The following TTC28 variants were observed in gnomAD, a reference collection of about 807,000 sequenced individuals.
The protein encoded by TTC28 is tetratricopeptide repeat domain 28, also known as tetratricopeptide repeat protein 28.
In TTC28, 61 loss-of-function variants were observed where a neutral mutation model predicts 198.0. The ratio of observed to expected loss-of-function variants is 0.31; its 90% CI spans 0.25 to 0.38. The LOEUF (loss-of-function observed/expected upper bound fraction) is 0.38. Among genes scored for constraint, TTC28 ranks in the 10% least tolerant of loss-of-function variants. The pLI, the probability that TTC28 is intolerant of heterozygous loss-of-function variation, is 1.00. For missense variants in TTC28, 2,678 were observed against 3,164.0 expected, an observed-to-expected ratio of 0.85 and a Z score of 3.69; for synonymous variants, 1,171 against 1,297.8, an observed-to-expected ratio of 0.90 and a Z score of 2.10.
intron 5 of TTC28, among the ~76,000 whole-genome samples, chr22:28,210,302 T>C (rs939268826): frequency 3.9e-5 from 6 of 152,090 alleles, no homozygotes; most frequent in Admixed American, 6.5e-5. Flanking sequence ...CTTTGACAAA[T>C]AGACAGAAGT....
chr22:27,984,459 G>A (rs1937140933), intron 22 of TTC28, among the ~76,000 whole-genome samples: 1 of 151,834 alleles, frequency 6.6e-6, no homozygotes, highest in African/African-American at 2.4e-5. Flanking sequence ...TCCTCCACAG[G>A]CCCCTCCTCA....
chr22:28,169,553 A>G (rs1401965824), intron 5 of TTC28, among the ~76,000 whole-genome samples: 2 of 152,208 alleles, frequency 1.3e-5, no homozygotes, highest in East Asian at 3.9e-4. Context: ...CAGCATTCTC[A>G]GCAAACTATC....
chr22:28,652,435 G>A (rs1362561684), intron 1 of TTC28, among the ~76,000 whole-genome samples: 1 of 152,138 alleles, frequency 6.6e-6, no homozygotes, highest in Admixed American at 6.5e-5. Context: ...AGCAACTACT[G>A]TACTGTTTTT....
At chr22:28,528,142 C>A (rs1428605368) in intron 2 of TTC28, among the ~76,000 whole-genome samples, 1 of 152,082 alleles carries the variant, frequency 6.6e-6, no homozygotes, top group Non-Finnish European at 1.5e-5. Flanking sequence ...GAATGAAAAG[C>A]ACAGGAAATG....
chr22:28,348,946 T>C (rs1267542230), intron 2 of TTC28, among the ~76,000 whole-genome samples: 1 of 152,192 alleles, frequency 6.6e-6, no homozygotes, highest in Non-Finnish European at 1.5e-5. Flanking sequence ...CTGTGCATAA[T>C]CACTGATGAA....
intron 12 of TTC28, among the ~76,000 whole-genome samples, chr22:28,082,779 C>G (rs1025629405): frequency 1.3e-5 from 2 of 152,070 alleles, no homozygotes; most frequent in African/African-American, 4.8e-5. Flanking sequence ...TTGTAATGTT[C>G]TTTACTCTTT....
At chr22:28,395,399 C>T (rs945675186) in intron 2 of TTC28, among the ~76,000 whole-genome samples, 10 of 151,960 alleles carry the variant, frequency 6.6e-5, no homozygotes, top group Non-Finnish European at 7.4e-5. Context: ...AATAACTGGC[C>T]GAGGTGGGCG....
At chr22:28,319,716 T>G (rs967594933) in intron 2 of TTC28, among the ~76,000 whole-genome samples, 19 of 152,200 alleles carry the variant, frequency 1.2e-4, no homozygotes, top group African/African-American at 4.6e-4. Context: ...TGTGTCACAT[T>G]AGCGTATTGC....
At chr22:28,403,323 A>G (rs2046948522) in intron 2 of TTC28, among the ~76,000 whole-genome samples, 1 of 152,208 alleles carries the variant, frequency 6.6e-6, no homozygotes, top group East Asian at 1.9e-4. Context: ...TGATTCCGTT[A>G]TGAATAAAGC....
chr22:28,620,147 C>T (rs1424661789), intron 2 of TTC28, among the ~76,000 whole-genome samples: 6 of 151,996 alleles, frequency 3.9e-5, no homozygotes, highest in Admixed American at 1.3e-4. Context: ...GTCAGGAGTT[C>T]GAGACCAGCC....
At chr22:28,503,629 TA>T (rs1190220018) in intron 2 of TTC28, among the ~76,000 whole-genome samples, 1 of 152,230 alleles carries the variant, frequency 6.6e-6, no homozygotes, top group African/African-American at 2.4e-5. Flanking sequence ...ATAAAAATAT[TA>T]ATCTATTATT....
chr22:28,276,898 C>T (rs867372024), intron 5 of TTC28, among the ~76,000 whole-genome samples: 1 of 152,080 alleles, frequency 6.6e-6, no homozygotes, highest in East Asian at 1.9e-4. Context: ...TATTAAAATA[C>T]TTAATAAAAT....
At chr22:28,631,156 G>A (rs2051167847) in intron 1 of TTC28, among the ~76,000 whole-genome samples, 1 of 152,056 alleles carries the variant, frequency 6.6e-6, no homozygotes, top group Non-Finnish European at 1.5e-5. Context: ...AGTAATGAGA[G>A]AACAAAATCA....
intron 1 of TTC28, among the ~76,000 whole-genome samples, chr22:28,642,433 T>TA (rs113272911): frequency 0.14 from 20,239 of 141,286 alleles, 1,598 homozygotes; most frequent in African/African-American, 0.21. Context: ...GTTTGCCGTT[T>TA]AAAAAAAAAA....
intron 12 of TTC28, among the ~76,000 whole-genome samples, chr22:28,083,727 G>A (rs1232937033): frequency 6.6e-6 from 1 of 152,226 alleles, no homozygotes; most frequent in East Asian, 1.9e-4. Flanking sequence ...GCTTCACCAG[G>A]GAAGCACAAG....
chr22:28,304,161 T>C lies in TTC28; in HGVS notation c.529+2335A>G, dbSNP rs530944809. On this transcript the variant is annotated intron_variant, in intron 3 of 22. Coordinates refer to ENST00000397906, the MANE Select transcript of TTC28 (RefSeq NM_001145418.2). Reference sequence around the variant, plus strand: ...TTAGCCAGACGTGGTGGCGGGCGCCTGTAGTCCCAGCTACTCAGGAGGCTG... The same window carrying C: ...TTAGCCAGACGTGGTGGCGGGCGCCCGTAGTCCCAGCTACTCAGGAGGCTG... Among the ~76,000 whole-genome samples the C allele has an allele frequency of 2.5e-4, 38 of 151,974 alleles. 1 individual carries two copies. In the South Asian group the frequency reaches 7.7e-3, roughly 31 times the overall value.
chr22:28,000,289 A>G (rs1169296842), intron 15 of TTC28: 2 of 152,278 alleles, frequency 1.3e-5, no homozygotes, highest in African/African-American at 4.8e-5. Context: ...AAAGCCTGTC[A>G]GGCAGAAACT....
chr22:28,155,707 A>G (rs571149119), intron 6 of TTC28, among the ~76,000 whole-genome samples: 21 of 152,332 alleles, frequency 1.4e-4, no homozygotes, highest in African/African-American at 5.0e-4. Flanking sequence ...AAAATGGAAC[A>G]CCTCAGTTTT....
chr22:28,521,097 T>C (rs2048896347), intron 2 of TTC28, among the ~76,000 whole-genome samples: 1 of 151,856 alleles, frequency 6.6e-6, no homozygotes, highest in East Asian at 1.9e-4. Context: ...CCAAATAATA[T>C]ATATGTTAAA....
Sources: gnomAD v4.1 joint callset for allele counts (sites outside exome capture counted in the v4.1 genomes callset) on GRCh38, gnomAD v4.1.1 for gene constraint, MANE v1.5 for transcripts, NCBI Gene and HGNC (gene_info 2026-07-23, HGNC 2026-07-21) for gene names.